SRCIN1: variants seen among roughly 807,000 people sequenced by gnomAD.
SRCIN1 encodes the protein SRC kinase signaling inhibitor 1, also known as P130Cas-associated protein.
A neutral mutation model predicts 116.2 loss-of-function variants in SRCIN1; 50 were observed. The observed-to-expected ratio is 0.43, with a 90% CI of 0.34 to 0.54. The LOEUF is 0.54. SRCIN1 is among the 20% of genes least tolerant of loss of function. The pLI is 0.02. For synonymous variants in SRCIN1, 736 were observed against 750.0 expected (o/e 0.98, Z 0.30); for missense variants, 1,446 against 1,672.0 (o/e 0.86, Z 2.36).
At chr17:38,536,666 C>T (rs754307626) in intron 18 of SRCIN1, among the ~76,000 whole-genome samples, 1 of 152,246 alleles carries the variant, frequency 6.6e-6, no homozygotes, top group Non-Finnish European at 1.5e-5. Flanking sequence ...CTCCCTAGCC[C>T]CCATGCCCTC....
rs760413177 is a variant in SRCIN1 at position 38,543,882 on chromosome 17, C to T, written c.3358G>A (p.Asp1120Asn). ...CTCTGCTTGCCATGTTTGCTTTTGT[C>T]GGGGCTGCCCGCCTGGCCCTGGGCC... ...KAAQGQAGSP[D>N]KSKHGKQRAE... Residue 1120 changes from aspartate (D) to asparagine (N), a missense_variant, in exon 18 of 19, where the codon GAC (aspartate) becomes AAC (asparagine). This residue lies in a region of SRCIN1 where 531 missense variants were observed against 633.9 expected (regional missense o/e 0.84). Coordinates refer to ENST00000617146, the MANE Select transcript of SRCIN1 (RefSeq NM_025248.3). The T allele has an allele frequency of 7.5e-6, 12 of 1,607,316 alleles. No homozygotes were observed. The highest frequency in any genetic ancestry group is 5.0e-5 in the Admixed American group (3 of 59,942).
chr17:38,582,434 C>G (rs1042973138), intron 1 of SRCIN1, among the ~76,000 whole-genome samples: 2 of 152,230 alleles, frequency 1.3e-5, no homozygotes, highest in South Asian at 4.1e-4. Context: ...CACAACTGCA[C>G]TATATGACTG....
intron 17 of SRCIN1, chr17:38,547,796 C>T (rs949501161): frequency 3.8e-6 from 1 of 264,186 alleles, no homozygotes; most frequent in Non-Finnish European, 7.6e-6. Flanking sequence ...CCCGGGGGGC[C>T]CCAGGTCCTG....
chr17:38,552,045 C>T lies in SRCIN1; in HGVS notation c.2568G>A (p.Lys856=), dbSNP rs1905458911. 4 of 1,613,768 alleles carry T rather than the reference C, an allele frequency of 2.5e-6. No individual in the cohort carries two copies. In the South Asian group the frequency reaches 4.4e-5, roughly 18 times the overall value. ...GGGGTGGCATTTCGAAGTCCACGCT[C>T]TTGTTGAAGTCAGTCTCTGCCGTCA... is the stretch of plus-strand genomic sequence containing the variant. ...KKVTAETDFN[K]SVDFEMPPPS... Residue 856 remains lysine, a synonymous_variant, in exon 14 of 19, where the codon AAG becomes AAA. Coordinates refer to ENST00000617146, the MANE Select transcript of SRCIN1 (RefSeq NM_025248.3). The surrounding 1 kb of genome is among the most constrained non-coding windows in gnomAD (Gnocchi z 5.3).
At chr17:38,551,534 C>A in intron 14 of SRCIN1, 145 bp from the exon 15 acceptor site, 1 of 735,536 alleles carries the variant, frequency 1.4e-6, no homozygotes, top group Non-Finnish European at 2.2e-6. Flanking sequence ...GACACTTTGA[C>A]TTCTCGTGGG....
chr17:38,597,360 G>A (rs1218750023), intron 1 of SRCIN1, among the ~76,000 whole-genome samples: 1 of 152,210 alleles, frequency 6.6e-6, no homozygotes, highest in African/African-American at 2.4e-5. Flanking sequence ...GAGGATCTGG[G>A]TTTTCAAAAA....
intron 15 of SRCIN1, among the ~76,000 whole-genome samples, chr17:38,550,068 T>C (rs529656758): frequency 6.6e-6 from 1 of 152,364 alleles, no homozygotes; most frequent in African/African-American, 2.4e-5. Context: ...CTATTACATT[T>C]AGCACTTGCA....
At chr17:38,584,202 A>G (rs958594511) in intron 1 of SRCIN1, among the ~76,000 whole-genome samples, 1 of 152,116 alleles carries the variant, frequency 6.6e-6, no homozygotes, top group Non-Finnish European at 1.5e-5. Context: ...AAGGGAAGCA[A>G]AGCTAGGATA....
intron 3 of SRCIN1, among the ~76,000 whole-genome samples, chr17:38,565,614 C>G (rs1057359719): frequency 6.6e-6 from 1 of 152,206 alleles, no homozygotes; most frequent in Non-Finnish European, 1.5e-5. Flanking sequence ...TCAGCTCCCT[C>G]TCTCCCCAAT....
Position 38,552,210 on chromosome 17 carries a change from G to A in SRCIN1, c.2481-78C>T, listed in dbSNP as rs929665232. 2.6e-6 allele frequency: 4 copies of A among 1,547,002 alleles called. No individual in the cohort carries two copies. Among genetic ancestry groups the A allele is most frequent in the African/African-American group, 2.7e-5 (2 of 73,298 alleles). On this transcript the variant is annotated intron_variant, in intron 13 of 18. Coordinates refer to ENST00000617146, the MANE Select transcript of SRCIN1 (RefSeq NM_025248.3). This position sits in a 1 kb window ranked among gnomAD's most constrained non-coding sequence, Gnocchi z 5.3. ...CTGCAGGAAGGCTGCTCTGAGGGAGGTGGGGTGGGAGGCAGGCTCTGGGAT... is the reference window on the plus strand; with the variant it reads ...CTGCAGGAAGGCTGCTCTGAGGGAGATGGGGTGGGAGGCAGGCTCTGGGAT...
intron 1 of SRCIN1, among the ~76,000 whole-genome samples, chr17:38,596,050 C>G (rs1275718649): frequency 6.6e-6 from 1 of 152,222 alleles, no homozygotes; most frequent in Non-Finnish European, 1.5e-5. Context: ...GGGCCTCCCT[C>G]CTCCTGGCTT....
At chr17:38,588,083 G>A (rs1012078586) in intron 1 of SRCIN1, among the ~76,000 whole-genome samples, 1 of 150,890 alleles carries the variant, frequency 6.6e-6, no homozygotes, top group Non-Finnish European at 1.5e-5. Flanking sequence ...GGAAGAAGAA[G>A]AAGAAGCAGA....
chr17:38,551,429 C>A, intron 14 of SRCIN1, 40 bp from the exon 15 acceptor site: 1 of 1,538,698 alleles, frequency 6.5e-7, no homozygotes, highest in Non-Finnish European at 8.8e-7. Context: ...GGTAGCTCTC[C>A]TGCTCCAGGA....
At position 38,562,593 on chromosome 17, in the gene SRCIN1, G is replaced by C. The variant is rs549451439; in HGVS notation, c.834+234C>G. Among the ~76,000 whole-genome samples, 7 of 152,178 alleles carry C rather than the reference G, an allele frequency of 4.6e-5. No homozygotes were observed. Among genetic ancestry groups the C allele is most frequent in the African/African-American group, 1.7e-4 (7 of 41,428 alleles). On this transcript the variant is annotated intron_variant, in intron 6 of 18. Coordinates refer to ENST00000617146, the MANE Select transcript of SRCIN1 (RefSeq NM_025248.3). This position sits in a 1 kb window ranked among gnomAD's most constrained non-coding sequence, Gnocchi z 4.2. Reference sequence around the variant, plus strand: ...AAGTAGAAGGGGAAGGGGTGGCTCCGGCTCCTGAGAGAGGGCTTAGAATAT... The same window carrying C: ...AAGTAGAAGGGGAAGGGGTGGCTCCCGCTCCTGAGAGAGGGCTTAGAATAT...
upstream of SRCIN1, among the ~76,000 whole-genome samples, chr17:38,606,488 G>C (rs1395712675): frequency 1.3e-5 from 2 of 152,112 alleles, no homozygotes; most frequent in Admixed American, 6.5e-5. This position sits in a 1 kb window ranked among gnomAD's most constrained non-coding sequence, Gnocchi z 5.2. Context: ...GACGCGGCTC[G>C]GTCGGAGGGT....
In SRCIN1 at chr17:38,562,338, A is replaced by G; in HGVS notation, c.835-10T>C. 6.9e-7 allele frequency: 1 copy of G among 1,448,552 alleles called. No individual in the cohort carries two copies. Among genetic ancestry groups the G allele is most frequent in the South Asian group, 1.4e-5 (1 of 72,616 alleles). 89.7% of individuals were successfully genotyped at this position (1,448,552 alleles called of 1,614,324 possible). ...CGTACACCATCTCTCTCTGCGCAGAAGACAGCCCGGAACCCCACGGGGCTG... is the reference window on the plus strand; with the variant it reads ...CGTACACCATCTCTCTCTGCGCAGAGGACAGCCCGGAACCCCACGGGGCTG... On this transcript the variant is annotated splice_polypyrimidine_tract_variant and intron_variant, in intron 6 of 18. Coordinates refer to ENST00000617146, the MANE Select transcript of SRCIN1 (RefSeq NM_025248.3). The surrounding 1 kb of genome is among the most constrained non-coding windows in gnomAD (Gnocchi z 4.2).
At chr17:38,569,975 T>G (rs998372281) in intron 2 of SRCIN1, among the ~76,000 whole-genome samples, 1 of 152,076 alleles carries the variant, frequency 6.6e-6, no homozygotes, top group African/African-American at 2.4e-5. Flanking sequence ...GATGGACCGC[T>G]CTGCAGAGAA....
intron 3 of SRCIN1, among the ~76,000 whole-genome samples, chr17:38,567,727 G>C (rs965868587): frequency 6.6e-6 from 1 of 152,108 alleles, no homozygotes; most frequent in African/African-American, 2.4e-5. Context: ...AGGCTTGAGG[G>C]TGTAGGACCA....
intron 11 of SRCIN1, among the ~76,000 whole-genome samples, chr17:38,556,748 G>A (rs895568765): frequency 3.3e-5 from 5 of 152,240 alleles, no homozygotes; most frequent in Admixed American, 2.6e-4. Context: ...TGAGTAATGG[G>A]TTTGATAATG....
Sources: allele counts gnomAD v4.1 joint callset (sites outside exome capture counted in the v4.1 genomes callset), GRCh38; gene constraint gnomAD v4.1.1; regional missense constraint gnomAD v4.1.1; non-coding constraint Gnocchi (gnomAD v3.1); transcripts MANE v1.5; gene names NCBI Gene and HGNC (gene_info 2026-07-23, HGNC 2026-07-21).